Variants in GRID2 observed in about 807,000 individuals in gnomAD.
GRID2 encodes glutamate ionotropic receptor delta type subunit 2.
In GRID2, 33 loss-of-function variants were observed where a neutral mutation model predicts 114.8. The ratio of observed to expected loss-of-function variants is 0.29; its 90% CI spans 0.22 to 0.38. The LOEUF is 0.38. Among genes scored for constraint, GRID2 ranks in the 10% least tolerant of loss-of-function variants. The pLI is 1.00. For synonymous variants in GRID2, 505 were observed against 449.9 expected, an observed-to-expected ratio of 1.12 and a Z score of -1.55; for missense variants, 1,184 against 1,257.7, an observed-to-expected ratio of 0.94 and a Z score of 0.89.
At chr4:92,623,436 T>C (rs1409811638) in intron 2 of GRID2, among the ~76,000 whole-genome samples, 1 of 151,544 alleles carries the variant, frequency 6.6e-6, no homozygotes, top group Non-Finnish European at 1.5e-5. Context: ...TCATCCAAGA[T>C]ACATGAAACA....
intron 8 of GRID2, among the ~76,000 whole-genome samples, chr4:93,345,401 T>A (rs567725623): frequency 6.6e-6 from 1 of 152,102 alleles, no homozygotes; most frequent in African/African-American, 2.4e-5. Context: ...ATATTAATGA[T>A]GTTGAGCGTT....
chr4:93,732,476 C>T (rs919866595), intron 14 of GRID2, among the ~76,000 whole-genome samples: 2 of 152,154 alleles, frequency 1.3e-5, no homozygotes, highest in African/African-American at 4.8e-5. Context: ...TCTCCTGTTT[C>T]TTTAGTAGAC....
chr4:92,729,125 G>A (rs1736207613), intron 2 of GRID2, among the ~76,000 whole-genome samples: 1 of 151,924 alleles, frequency 6.6e-6, no homozygotes, highest in South Asian at 2.1e-4. Context: ...TTCAAATTCA[G>A]TAAAAATATT....
At chr4:93,118,226 A>C (rs1733463906) in intron 4 of GRID2, among the ~76,000 whole-genome samples, 1 of 152,154 alleles carries the variant, frequency 6.6e-6, no homozygotes, top group South Asian at 2.1e-4. Flanking sequence ...TAATTTAGGC[A>C]AAACACTTTT....
At chr4:92,768,812 G>T (rs764673767) in intron 2 of GRID2, among the ~76,000 whole-genome samples, 3 of 151,998 alleles carry the variant, frequency 2.0e-5, no homozygotes, top group African/African-American at 7.3e-5. Flanking sequence ...GGAAAGACCC[G>T]CCCCATAATT....
At chr4:93,119,436 T>C (rs1480245357) in intron 4 of GRID2, among the ~76,000 whole-genome samples, 1 of 152,166 alleles carries the variant, frequency 6.6e-6, no homozygotes, top group East Asian at 1.9e-4. Flanking sequence ...AAATTAGACA[T>C]TTTGGCCATG....
chr4:92,671,875 A>G (rs752984031), intron 2 of GRID2, among the ~76,000 whole-genome samples: 2 of 152,168 alleles, frequency 1.3e-5, no homozygotes, highest in Non-Finnish European at 2.9e-5. Flanking sequence ...CAACTGTAAT[A>G]TCTTTCCAGA....
At chr4:92,930,032 G>T (rs1578506140) in intron 2 of GRID2, among the ~76,000 whole-genome samples, 1 of 150,994 alleles carries the variant, frequency 6.6e-6, no homozygotes, top group Non-Finnish European at 1.5e-5. Flanking sequence ...CCTCCATCTT[G>T]GCCTTGCCCA....
At chr4:93,169,614 A>T (rs1475863398) in intron 4 of GRID2, among the ~76,000 whole-genome samples, 2 of 152,192 alleles carry the variant, frequency 1.3e-5, no homozygotes, top group East Asian at 1.9e-4. Context: ...TATATCACAG[A>T]AATAGAGAAG....
chr4:93,072,552 C>G (rs1195658694), intron 2 of GRID2, among the ~76,000 whole-genome samples: 5 of 151,464 alleles, frequency 3.3e-5, no homozygotes, highest in Admixed American at 3.3e-4. Flanking sequence ...GCATAGTACT[C>G]TTGGGCTTTA....
At chr4:92,637,445 C>T (rs892077638) in intron 2 of GRID2, among the ~76,000 whole-genome samples, 2 of 151,950 alleles carry the variant, frequency 1.3e-5, no homozygotes, top group African/African-American at 4.8e-5. Flanking sequence ...TCTAAGTTAA[C>T]TTTTTAAATT....
chr4:93,157,394 C>T (rs1393431408), intron 4 of GRID2, among the ~76,000 whole-genome samples: 1 of 151,508 alleles, frequency 6.6e-6, no homozygotes, highest in African/African-American at 2.4e-5. Context: ...ATAAAAATAT[C>T]TAAGTTTTAA....
intron 13 of GRID2, among the ~76,000 whole-genome samples, chr4:93,546,384 G>GA (rs1025345027): frequency 1.3e-5 from 2 of 152,184 alleles, no homozygotes; most frequent in African/African-American, 4.8e-5. Flanking sequence ...ACCCTGAGGA[G>GA]AAAATGCAGC....
chr4:93,452,993 C>T (rs1299482330), intron 10 of GRID2, among the ~76,000 whole-genome samples: 1 of 150,250 alleles, frequency 6.7e-6, no homozygotes, highest in East Asian at 2.0e-4. Context: ...CACCCAGTAA[C>T]TCGTCATTTA....
At chr4:92,624,545 T>A (rs1730428224) in intron 2 of GRID2, among the ~76,000 whole-genome samples, 1 of 151,770 alleles carries the variant, frequency 6.6e-6, no homozygotes, top group Non-Finnish European at 1.5e-5. Context: ...CATCAAAATA[T>A]TTTTTTCCAA....
intron 2 of GRID2, among the ~76,000 whole-genome samples, chr4:92,824,808 T>C (rs934588103): frequency 6.6e-6 from 1 of 152,230 alleles, no homozygotes; most frequent in Admixed American, 6.5e-5. Context: ...ACTTTACCTT[T>C]AGATATTGTT....
intron 14 of GRID2, among the ~76,000 whole-genome samples, chr4:93,669,729 A>T (rs1213893545): frequency 6.6e-6 from 1 of 152,150 alleles, no homozygotes; most frequent in East Asian, 1.9e-4. Context: ...ACTGCACATC[A>T]GTTTCTCCAG....
At chr4:92,588,686 A>G (rs1393540526) in intron 1 of GRID2, among the ~76,000 whole-genome samples, 2 of 149,308 alleles carry the variant, frequency 1.3e-5, no homozygotes, top group Non-Finnish European at 3.0e-5. Context: ...CTCAAAAAAA[A>G]AAAAAAAAAA....
chr4:92,614,116 A>G (rs1404232004), intron 2 of GRID2, among the ~76,000 whole-genome samples: 1 of 151,518 alleles, frequency 6.6e-6, no homozygotes, highest in Non-Finnish European at 1.5e-5. Context: ...AGTGCTATAG[A>G]ACACTGGAAC....
Sources: allele counts gnomAD v4.1 joint callset (sites outside exome capture counted in the v4.1 genomes callset), GRCh38; gene constraint gnomAD v4.1.1; transcripts MANE v1.5; gene names NCBI Gene and HGNC (gene_info 2026-07-23, HGNC 2026-07-21).